Variants in SPIDR observed in about 807,000 individuals in gnomAD.
SPIDR encodes scaffold protein involved in DNA repair, also known as DNA repair-scaffolding protein.
In SPIDR, 93 loss-of-function variants were observed where a neutral mutation model predicts 104.6. The ratio of observed to expected loss-of-function variants is 0.89; its 90% CI spans 0.75 to 1.06. SPIDR has a LOEUF of 1.06. Among genes scored for constraint, SPIDR ranks in the 50% least tolerant of loss-of-function variants. The pLI is 0.00. For missense variants in SPIDR, 1,154 were observed against 1,111.2 expected (o/e 1.04, Z -0.55); for synonymous variants, 431 against 416.9 (o/e 1.03, Z -0.41).
chr8:47,529,029 C>T (rs2085484792), intron 8 of SPIDR, among the ~76,000 whole-genome samples: 1 of 152,196 alleles, frequency 6.6e-6, no homozygotes, highest in Non-Finnish European at 1.5e-5. Flanking sequence ...AGAGGGGAAG[C>T]TGGCAGAAAC....
intron 5 of SPIDR, among the ~76,000 whole-genome samples, chr8:47,304,496 G>A (rs914368125): frequency 1.3e-4 from 19 of 151,984 alleles, no homozygotes; most frequent in South Asian, 4.1e-4. Flanking sequence ...GCAAGACCTC[G>A]TCTCTATTAA....
intron 8 of SPIDR, among the ~76,000 whole-genome samples, chr8:47,541,072 C>T (rs950770831): frequency 1.3e-5 from 2 of 152,200 alleles, no homozygotes; most frequent in Non-Finnish European, 2.9e-5. Context: ...GTTGACCAGG[C>T]TGGTCTTGAA....
chr8:47,704,694 T>C (rs908815484), intron 14 of SPIDR, among the ~76,000 whole-genome samples: 7 of 152,358 alleles, frequency 4.6e-5, no homozygotes, highest in Non-Finnish European at 8.8e-5. Flanking sequence ...CTTTGTTTTC[T>C]CTTCATCTGT....
chr8:47,633,337 T>G (rs560010048), intron 10 of SPIDR, among the ~76,000 whole-genome samples: 1 of 152,142 alleles, frequency 6.6e-6, no homozygotes, highest in African/African-American at 2.4e-5. Context: ...AGGAAGTGTT[T>G]CCTTGTCTCC....
intron 10 of SPIDR, chr8:47,654,066 CA>C: frequency 9.3e-6 from 12 of 1,289,716 alleles, no homozygotes; most frequent in Non-Finnish European, 1.2e-5. Flanking sequence ...GTGGTAGCAG[CA>C]TCTTGATCTT....
chr8:47,548,292 C>G (rs1426860042), intron 8 of SPIDR, among the ~76,000 whole-genome samples: 1 of 152,168 alleles, frequency 6.6e-6, no homozygotes, highest in East Asian at 1.9e-4. Flanking sequence ...ATTAAGTCTG[C>G]TATGCACATT....
At chr8:47,490,946 TAACA>T (rs2078601815) in intron 8 of SPIDR, among the ~76,000 whole-genome samples, 1 of 152,192 alleles carries the variant, frequency 6.6e-6, no homozygotes, top group East Asian at 1.9e-4. Flanking sequence ...TATACATATG[TAACA>T]AACCTGCACG....
intron 1 of SPIDR, among the ~76,000 whole-genome samples, chr8:47,266,129 CTTTTT>C (rs1224689414): frequency 7.7e-6 from 1 of 129,670 alleles, no homozygotes; most frequent in Non-Finnish European, 1.7e-5. Context: ...GTTTCTTTGT[CTTTTT>C]TTTTTTTTTT....
intron 8 of SPIDR, among the ~76,000 whole-genome samples, chr8:47,555,130 C>T (rs146027523): frequency 9.3e-4 from 141 of 152,220 alleles, no homozygotes; most frequent in African/African-American, 3.3e-3. Flanking sequence ...GCTAGCCTTC[C>T]TCCCACTCTG....
Position 47,396,426 on chromosome 8 carries a change from T to G in SPIDR, c.576T>G (p.Asp192Glu). Residue 192 changes from aspartate to glutamate, a missense_variant, in exon 6 of 20, where the codon GAT (aspartate) becomes GAG (glutamate). Physicochemically the swap from Asp to Glu is conservative, Grantham distance 45. Transcript: ENST00000297423. Reference sequence around the variant, plus strand: ...ATTCATCAGATAGTGAAAAAGAAGATGATTTGGAAAATGTCCTACTCATTG... The same window carrying G: ...ATTCATCAGATAGTGAAAAAGAAGAGGATTTGGAAAATGTCCTACTCATTG... ...LEYSSDSEKE[D>E]DLENVLLIDS... is the part of the protein sequence containing the mutation. The G allele has an allele frequency of 1.2e-6, 2 of 1,613,460 alleles. No homozygotes were observed. The highest frequency in any genetic ancestry group is 1.7e-6 in the Non-Finnish European group (2 of 1,179,412).
chr8:47,357,122 A>G (rs2054711896), intron 5 of SPIDR, among the ~76,000 whole-genome samples: 1 of 152,196 alleles, frequency 6.6e-6, no homozygotes, highest in Non-Finnish European at 1.5e-5. Context: ...GTGCTTGTGT[A>G]ACATATTTTC....
intron 10 of SPIDR, chr8:47,660,491 A>G: frequency 4.1e-6 from 4 of 985,372 alleles, no homozygotes; most frequent in Non-Finnish European, 3.6e-6. Context: ...AGTCCTGCGG[A>G]ATGGCAGCTG....
chr8:47,376,428 C>CG (rs1280620770), intron 5 of SPIDR, among the ~76,000 whole-genome samples: 2 of 152,146 alleles, frequency 1.3e-5, no homozygotes, highest in African/African-American at 4.8e-5. Flanking sequence ...ATATAGAACC[C>CG]GGTCATGTCA....
intron 8 of SPIDR, among the ~76,000 whole-genome samples, chr8:47,455,612 A>G (rs1254528382): frequency 6.6e-6 from 1 of 152,156 alleles, no homozygotes; most frequent in Non-Finnish European, 1.5e-5. Context: ...GAATCCACCT[A>G]TAAGCCATCT....
chr8:47,448,756 C>A (rs961055604), intron 8 of SPIDR, among the ~76,000 whole-genome samples: 3 of 151,910 alleles, frequency 2.0e-5, no homozygotes, highest in African/African-American at 7.3e-5. Flanking sequence ...GATGCCCTAT[C>A]TGAGCTAAAA....
intron 5 of SPIDR, among the ~76,000 whole-genome samples, chr8:47,296,422 A>C (rs1335562148): frequency 1.3e-5 from 2 of 152,152 alleles, no homozygotes; most frequent in African/African-American, 4.8e-5. Flanking sequence ...TCATTAGTCC[A>C]TTTTTAGTTG....
At chr8:47,668,873 G>A (rs141309934) in intron 10 of SPIDR, among the ~76,000 whole-genome samples, 23 of 152,108 alleles carry the variant, frequency 1.5e-4, no homozygotes, top group Admixed American at 2.6e-4. Flanking sequence ...CAGTCTAGGC[G>A]TAGATCTAAC....
chr8:47,637,437 G>A (rs969041947), intron 10 of SPIDR, among the ~76,000 whole-genome samples: 1 of 152,116 alleles, frequency 6.6e-6, no homozygotes, highest in African/African-American at 2.4e-5. Flanking sequence ...GGGCATGGTG[G>A]CACGCACCTG....
rs543854494 is a variant in SPIDR at position 47,440,074 on chromosome 8, C to A, written c.878-249C>A. Among the ~76,000 whole-genome samples, 422 of 152,294 alleles carry A rather than the reference C, an allele frequency of 2.8e-3. 1 individual carries two copies. Among genetic ancestry groups the A allele is most frequent in the African/African-American group, 9.9e-3 (412 of 41,564 alleles). On this transcript the variant is annotated intron_variant, in intron 7 of 19. Coordinates refer to ENST00000297423, the MANE Select transcript of SPIDR (RefSeq NM_001080394.4). ...TTTGTACAGGACTATTTCTTCATGACAGAAGACTTTATTTTATGCTGCTTA... is the reference window on the plus strand; with the variant it reads ...TTTGTACAGGACTATTTCTTCATGAAAGAAGACTTTATTTTATGCTGCTTA...
Sources: allele counts gnomAD v4.1 joint callset (sites outside exome capture counted in the v4.1 genomes callset), GRCh38; gene constraint gnomAD v4.1.1; transcripts MANE v1.5; gene names NCBI Gene and HGNC (gene_info 2026-07-23, HGNC 2026-07-21).